The following SEPTIN11 variants were observed in gnomAD, a reference collection of about 807,000 sequenced individuals.
SEPTIN11 encodes the protein septin 11, also known as septin-11.
In SEPTIN11, 25 loss-of-function variants were observed where a neutral mutation model predicts 51.4. The ratio of observed to expected loss-of-function variants is 0.49; its 90% CI spans 0.35 to 0.68. The LOEUF (loss-of-function observed/expected upper bound fraction) is 0.68, where lower values mean the gene tolerates loss of function less well. SEPTIN11 is among the 30% of genes least tolerant of loss of function. The pLI is 0.00. For synonymous variants in SEPTIN11, 174 were observed against 184.1 expected (o/e 0.95, Z 0.44); for missense variants, 381 against 520.8 (o/e 0.73, Z 2.61).
chr4:77,037,642 A>T lies in SEPTIN11; in HGVS notation c.*3130A>T. The stretch of plus-strand genomic sequence containing the variant: ...GGGGCCTACATAACTAGCTGGCCTT[A>T]CCCCATATCTTTTGTTCAAACATAA... On this transcript the variant is annotated 3_prime_UTR_variant, in exon 10 of 10. Transcript: ENST00000264893. The T allele has an allele frequency of 1.0e-6, 1 of 985,580 alleles. No homozygotes were observed. The highest frequency in any genetic ancestry group is 1.2e-6 in the Non-Finnish European group (1 of 829,936). The allele number at this position is 985,580 out of a possible 1,614,324, so 61.1% of individuals were successfully genotyped here. A position where few individuals can be genotyped will look rare whatever the true frequency, so the allele number is the denominator to read the frequency against.
intron 1 of SEPTIN11, among the ~76,000 whole-genome samples, chr4:76,969,665 A>G (rs1323943328): frequency 6.6e-6 from 1 of 152,206 alleles, no homozygotes; most frequent in East Asian, 1.9e-4. Flanking sequence ...AACTCTACCG[A>G]CTTCATGGTT....
At chr4:76,981,986 C>G (rs550047831) in intron 1 of SEPTIN11, among the ~76,000 whole-genome samples, 1 of 152,100 alleles carries the variant, frequency 6.6e-6, no homozygotes, top group Non-Finnish European at 1.5e-5. Context: ...AAGTGACACT[C>G]GAATACTTAG....
intron 1 of SEPTIN11, among the ~76,000 whole-genome samples, chr4:76,987,506 T>C (rs1346886976): frequency 6.6e-6 from 1 of 152,234 alleles, no homozygotes; most frequent in Non-Finnish European, 1.5e-5. Context: ...GCTTCATAGC[T>C]GTGGTTTGGG....
intron 1 of SEPTIN11, among the ~76,000 whole-genome samples, chr4:76,953,544 C>A (rs1370215895): frequency 2.0e-5 from 3 of 152,006 alleles, no homozygotes; most frequent in Non-Finnish European, 1.5e-5. Flanking sequence ...GAAAATGTGG[C>A]CCCAGATGGA....
chr4:77,016,633 C>CATATATACACATATATAT (rs1725289673), intron 5 of SEPTIN11, among the ~76,000 whole-genome samples: 2 of 72,748 alleles, frequency 2.7e-5, no homozygotes, highest in Admixed American at 3.2e-4. Context: ...TATATATACA[C>CATATATACACATATATAT]ATATATATAT....
At chr4:77,013,469 A>G (rs1198098082) in intron 4 of SEPTIN11, among the ~76,000 whole-genome samples, 1 of 152,228 alleles carries the variant, frequency 6.6e-6, no homozygotes, top group Non-Finnish European at 1.5e-5. Context: ...CAATTTGGCC[A>G]AGAAAGAGTG....
At chr4:77,014,516 A>G (rs573492662) in intron 4 of SEPTIN11, among the ~76,000 whole-genome samples, 19 of 152,334 alleles carry the variant, frequency 1.2e-4, no homozygotes, top group South Asian at 2.1e-4. Context: ...AAAATGAGGT[A>G]GCATAGGAGA....
At chr4:76,959,411 G>A (rs1010301647) in intron 1 of SEPTIN11, among the ~76,000 whole-genome samples, 1 of 151,634 alleles carries the variant, frequency 6.6e-6, no homozygotes, top group African/African-American at 2.4e-5. Flanking sequence ...ACGGGCACAT[G>A]GCCAGATTAA....
chr4:76,960,133 G>C (rs998214683), intron 1 of SEPTIN11, among the ~76,000 whole-genome samples: 1 of 152,164 alleles, frequency 6.6e-6, no homozygotes, highest in Admixed American at 6.5e-5. Context: ...CGTAAACCAA[G>C]CTGATTCATT....
At chr4:76,972,702 T>C (rs926526700) in intron 1 of SEPTIN11, 14 of 152,200 alleles carry the variant, frequency 9.2e-5, no homozygotes, top group African/African-American at 3.4e-4. Flanking sequence ...GTTGTTAATG[T>C]TTGCTGTTTT....
intron 1 of SEPTIN11, among the ~76,000 whole-genome samples, chr4:76,990,780 G>T (rs1723336492): frequency 6.6e-6 from 1 of 152,160 alleles, no homozygotes; most frequent in African/African-American, 2.4e-5. Flanking sequence ...ATCACCTACT[G>T]GCATGTTTCT....
rs761211301 is a variant in SEPTIN11 at position 76,949,872 on chromosome 4, C to A, written c.-32C>A. The A allele has an allele frequency of 1.3e-6, 2 of 1,514,092 alleles. No individual in the cohort carries two copies. The highest frequency in any genetic ancestry group is 1.4e-5 in the African/African-American group (1 of 69,104). 93.8% of individuals were successfully genotyped at this position (1,514,092 alleles called of 1,614,324 possible). ...GCAGCCGGAGTCGGCGTAAAGCACCCGGGCGCAGCCGGAGCCGGTGCCGCA... is the reference window on the plus strand; with the variant it reads ...GCAGCCGGAGTCGGCGTAAAGCACCAGGGCGCAGCCGGAGCCGGTGCCGCA... On this transcript the variant is annotated 5_prime_UTR_variant, in exon 1 of 10. Coordinates refer to ENST00000264893, the MANE Select transcript of SEPTIN11 (RefSeq NM_018243.4).
chr4:77,035,435 T>G lies in SEPTIN11; in HGVS notation c.*923T>G. On this transcript the variant is annotated 3_prime_UTR_variant, in exon 10 of 10. Transcript: ENST00000264893. Reference sequence around the variant, plus strand: ...AGGATACTTGTACTTCTAATAACATTTTTCATGAATCATGAGAAAATTTCC... The same window carrying G: ...AGGATACTTGTACTTCTAATAACATGTTTCATGAATCATGAGAAAATTTCC... 1.0e-6 allele frequency: 1 copy of G among 985,394 alleles called. No homozygotes were observed. The highest frequency in any genetic ancestry group is 1.2e-6 in the Non-Finnish European group (1 of 829,876). The allele number at this position is 985,394 out of a possible 1,614,324, so 61.0% of individuals were successfully genotyped here. A position where few individuals can be genotyped will look rare whatever the true frequency, so the allele number is the denominator to read the frequency against.
At chr4:76,953,320 C>T (rs915899763) in intron 1 of SEPTIN11, among the ~76,000 whole-genome samples, 4 of 152,156 alleles carry the variant, frequency 2.6e-5, no homozygotes, top group African/African-American at 4.8e-5. Context: ...ATTAAAGTGA[C>T]AGACTTCAGT....
At chr4:76,956,776 T>C (rs1721572761) in intron 1 of SEPTIN11, among the ~76,000 whole-genome samples, 1 of 152,158 alleles carries the variant, frequency 6.6e-6, no homozygotes, top group African/African-American at 2.4e-5. Context: ...TGAAAGACCC[T>C]TGGGCTGGGG....
chr4:76,987,761 A>G, intron 1 of SEPTIN11: 1 of 771,804 alleles, frequency 1.3e-6, no homozygotes, highest in Non-Finnish European at 1.6e-6. Flanking sequence ...TGGTCAGTCA[A>G]AGATTTTGTG....
At chr4:77,016,615 C>CACATATATATATACACAT (rs1553975015) in intron 5 of SEPTIN11, among the ~76,000 whole-genome samples, 13 of 79,220 alleles carry the variant, frequency 1.6e-4, no homozygotes, top group African/African-American at 6.1e-4. Flanking sequence ...TATATATACA[C>CACATATATATATACACAT]ATATATATAT....
At position 77,020,685 on chromosome 4, in the gene SEPTIN11, A is replaced by G. The variant is rs2109970996; in HGVS notation, c.953+15A>G. On this transcript the variant is annotated intron_variant, in intron 7 of 9. Transcript: ENST00000264893. ...AAACCCTTCAGGTATGAAGGCATCT[A>G]GCAATCAGGTGTCTCCCAGACAGTG... is the stretch of plus-strand genomic sequence containing the variant. The G allele has an allele frequency of 6.2e-7, 1 of 1,612,016 alleles. No homozygotes were observed. Among genetic ancestry groups the G allele is most frequent in the Non-Finnish European group, 8.5e-7 (1 of 1,178,640 alleles).
intron 1 of SEPTIN11, among the ~76,000 whole-genome samples, chr4:76,968,150 A>G (rs1328425968): frequency 1.3e-5 from 2 of 152,218 alleles, no homozygotes; most frequent in African/African-American, 4.8e-5. Flanking sequence ...ATAGGCCATG[A>G]AATTATTTAT....
Sources: gnomAD v4.1 joint callset for allele counts (sites outside exome capture counted in the v4.1 genomes callset) on GRCh38, gnomAD v4.1.1 for gene constraint, MANE v1.5 for transcripts, NCBI Gene and HGNC (gene_info 2026-07-23, HGNC 2026-07-21) for gene names.